The following ADAMTS2 variants were observed in gnomAD, a reference collection of about 807,000 sequenced individuals.
ADAMTS2 encodes the protein A disintegrin and metalloproteinase with thrombospondin motifs 2.
In ADAMTS2, 50 loss-of-function variants were observed where a neutral mutation model predicts 123.0. That is an observed-to-expected ratio of 0.41 (90% CI 0.32 to 0.51). The LOEUF is 0.51. ADAMTS2 is among the 20% of genes least tolerant of loss of function. The pLI, the probability that ADAMTS2 is intolerant of heterozygous loss-of-function variation, is 0.35. For missense variants in ADAMTS2, 1,494 were observed against 1,705.2 expected (o/e 0.88, Z 2.18); for synonymous variants, 678 against 695.4 (o/e 0.98, Z 0.39).
intron 3 of ADAMTS2, among the ~76,000 whole-genome samples, chr5:179,263,855 G>T (rs1183134720): frequency 1.3e-5 from 2 of 152,216 alleles, no homozygotes; most frequent in African/African-American, 2.4e-5. Context: ...CTCCTTCAGG[G>T]CCCAGAGCAC....
chr5:179,189,233 TA>T lies in ADAMTS2; in HGVS notation c.892-8079del, dbSNP rs1265557805. Among the ~76,000 whole-genome samples, 1 of 152,114 alleles carries T rather than the reference TA, an allele frequency of 6.6e-6. No individual in the cohort carries two copies. Among genetic ancestry groups the T allele is most frequent in the Non-Finnish European group, 1.5e-5 (1 of 68,018 alleles). ...CACCAAACAGGCTTTGTGTGAGCAA[TA>T]AAGCTTTTTAATCACCTGGGTGCAG... On this transcript the variant is annotated intron_variant, in intron 4 of 21. Coordinates refer to ENST00000251582, the MANE Select transcript of ADAMTS2 (RefSeq NM_014244.5). This position sits in a 1 kb window ranked among gnomAD's most constrained non-coding sequence, Gnocchi z 4.2.
chr5:179,228,725 G>A lies in ADAMTS2; in HGVS notation c.689-21010C>T, dbSNP rs1026470654. 2.0e-5 allele frequency among the ~76,000 whole-genome samples: 3 copies of A among 152,226 alleles called. No individual in the cohort carries two copies. The highest frequency in any genetic ancestry group is 6.5e-5 in the Admixed American group (1 of 15,288). On this transcript the variant is annotated intron_variant, in intron 3 of 21. Transcript: ENST00000251582. The surrounding 1 kb of genome is among the most constrained non-coding windows in gnomAD (Gnocchi z 5.2). ...TAACCAAAGCCAGCGGACATCCACTGCCTGCGGAGCATCTGGGGAAGGCTC... is the reference window on the plus strand; with the variant it reads ...TAACCAAAGCCAGCGGACATCCACTACCTGCGGAGCATCTGGGGAAGGCTC...
intron 3 of ADAMTS2, among the ~76,000 whole-genome samples, chr5:179,269,563 T>G (rs899193861): frequency 6.6e-6 from 1 of 152,140 alleles, no homozygotes; most frequent in African/African-American, 2.4e-5. Flanking sequence ...ACCCCCATGA[T>G]TCAATCATCT....
chr5:179,126,702 CA>C (rs1762865841), intron 17 of ADAMTS2, among the ~76,000 whole-genome samples: 1 of 152,228 alleles, frequency 6.6e-6, no homozygotes, highest in African/African-American at 2.4e-5. Flanking sequence ...TGACAGAGCC[CA>C]AAATGTCAGT....
chr5:179,139,832 G>A, intron 11 of ADAMTS2, 58 bp downstream of exon 11: 32 of 1,606,726 alleles, frequency 2.0e-5, no homozygotes, highest in Non-Finnish European at 2.7e-5. Context: ...GCTGGAGAGG[G>A]TCTCCTGGAC....
At position 179,188,281 on chromosome 5, in the gene ADAMTS2, C is replaced by T. The variant is rs1358577236; in HGVS notation, c.892-7126G>A. On this transcript the variant is annotated intron_variant, in intron 4 of 21. Coordinates refer to ENST00000251582, the MANE Select transcript of ADAMTS2 (RefSeq NM_014244.5). The surrounding 1 kb of genome is among the most constrained non-coding windows in gnomAD (Gnocchi z 5.1). The stretch of plus-strand genomic sequence containing the variant: ...CAGAGGCCTGGGGGAGGGGGGCCTG[C>T]TGCTCTGTGGCTTCTCTGGGACCCC... 6.6e-6 allele frequency among the ~76,000 whole-genome samples: 1 copy of T among 152,208 alleles called. No individual in the cohort carries two copies. The highest frequency in any genetic ancestry group is 1.5e-5 in the Non-Finnish European group (1 of 68,044).
chr5:179,318,088 G>T (rs1363830441), intron 2 of ADAMTS2, among the ~76,000 whole-genome samples: 2 of 152,120 alleles, frequency 1.3e-5, no homozygotes, highest in Non-Finnish European at 2.9e-5. Flanking sequence ...TAGCAAAGAG[G>T]CCCCCCTTGG....
rs951317851 is a variant in ADAMTS2, at chr5:179,272,638, A to G, written c.688+273T>C. On this transcript the variant is annotated intron_variant, in intron 3 of 21. Coordinates refer to ENST00000251582, the MANE Select transcript of ADAMTS2 (RefSeq NM_014244.5). This position sits in a 1 kb window ranked among gnomAD's most constrained non-coding sequence, Gnocchi z 5.8. ...GAAGATGGGCCCTTGGACAGCCTTC[A>G]TAGTCCACCATGGAGGCCCCAGACA... 2.0e-5 allele frequency among the ~76,000 whole-genome samples: 3 copies of G among 152,150 alleles called. No individual in the cohort carries two copies. The highest frequency in any genetic ancestry group is 2.0e-4 in the Admixed American group (3 of 15,284).
In ADAMTS2 at chr5:179,314,061, C is replaced by CG. The variant is rs72538523; in HGVS notation, c.534+29705dup. ...TCCCAGGCAGAACCTGATGGTGGGG[C>CG]GGGGGGGTTCCTCACACACCCCACA... On this transcript the variant is annotated intron_variant, in intron 2 of 21. Transcript: ENST00000251582. The surrounding 1 kb of genome is among the most constrained non-coding windows in gnomAD (Gnocchi z 4.5). Among the ~76,000 whole-genome samples the CG allele has an allele frequency of 2.9e-5, 4 of 140,086 alleles. No homozygotes were observed. Among genetic ancestry groups the CG allele is most frequent in the Admixed American group, 7.2e-5 (1 of 13,972 alleles). The allele number at this position is 140,086 out of a possible 152,430, so 91.9% of individuals were successfully genotyped here.
intron 2 of ADAMTS2, among the ~76,000 whole-genome samples, chr5:179,330,440 G>A (rs142011891): frequency 6.6e-6 from 1 of 152,326 alleles, no homozygotes; most frequent in Non-Finnish European, 1.5e-5. Flanking sequence ...CCCAATCAGG[G>A]CCACCTGCAA....
chr5:179,320,856 G>A (rs1349566121), intron 2 of ADAMTS2, among the ~76,000 whole-genome samples: 4 of 152,210 alleles, frequency 2.6e-5, no homozygotes, highest in African/African-American at 9.6e-5. Flanking sequence ...CCGGGTTGTT[G>A]CCCTGTGAGG....
At chr5:179,274,541 C>A (rs369754571) in intron 2 of ADAMTS2, among the ~76,000 whole-genome samples, 78 of 152,348 alleles carry the variant, frequency 5.1e-4, no homozygotes, top group African/African-American at 1.8e-3. Flanking sequence ...AAACCACACC[C>A]CCCCCAAAGT....
At chr5:179,257,110 T>C (rs966416138) in intron 3 of ADAMTS2, among the ~76,000 whole-genome samples, 7 of 152,116 alleles carry the variant, frequency 4.6e-5, no homozygotes, top group African/African-American at 1.4e-4. Flanking sequence ...AGGGCCCACA[T>C]TGTGAGTTTC....
chr5:179,263,959 T>C (rs1437115480), intron 3 of ADAMTS2, among the ~76,000 whole-genome samples: 2 of 152,166 alleles, frequency 1.3e-5, no homozygotes, highest in African/African-American at 4.8e-5. Context: ...GGCTGAAGTG[T>C]CTGCCAACCT....
At position 179,262,386 on chromosome 5, in the gene ADAMTS2, T is replaced by A. The variant is rs547494509; in HGVS notation, c.688+10525A>T. Among the ~76,000 whole-genome samples the A allele has an allele frequency of 2.0e-4, 30 of 150,626 alleles. No individual in the cohort carries two copies. Among genetic ancestry groups the A allele is most frequent in the African/African-American group, 7.3e-4 (30 of 40,910 alleles). On this transcript the variant is annotated intron_variant, in intron 3 of 21. Transcript: ENST00000251582. The surrounding 1 kb of genome is among the most constrained non-coding windows in gnomAD (Gnocchi z 5.9). ...CTCCACCGCCATCTGTCACCGGGAC[T>A]CCTCCCTGCTTCCACACCGTCCACC... is the stretch of plus-strand genomic sequence containing the variant.
chr5:179,218,029 A>G (rs1162395114), intron 3 of ADAMTS2, among the ~76,000 whole-genome samples: 4 of 152,222 alleles, frequency 2.6e-5, no homozygotes, highest in African/African-American at 7.2e-5. Flanking sequence ...AGGAGTCCCC[A>G]AAACGTAAGT....
chr5:179,223,527 C>CATGCACTCACGCACGA (rs1765190753), intron 3 of ADAMTS2, among the ~76,000 whole-genome samples: 1 of 146,962 alleles, frequency 6.8e-6, no homozygotes, highest in African/African-American at 2.6e-5. Context: ...CACTCACACA[C>CATGCACTCACGCACGA]ATGCACTCAC....
At position 179,153,646 on chromosome 5, in the gene ADAMTS2, C is replaced by T. The variant is rs927515122; in HGVS notation, c.1383-23G>A. The T allele has an allele frequency of 8.8e-6, 14 of 1,595,044 alleles. No individual in the cohort carries two copies. In the African/African-American group the frequency reaches 9.3e-5, roughly 11 times the overall value. ...GAGCTGTGGGGGACACACGGTGCCG[C>T]GAGCAGCCTTCAGCGCGGCTGACCA... On this transcript the variant is annotated intron_variant, in intron 8 of 21. Coordinates refer to ENST00000251582, the MANE Select transcript of ADAMTS2 (RefSeq NM_014244.5).
chr5:179,333,043 G>A (rs1351698636), intron 2 of ADAMTS2, among the ~76,000 whole-genome samples: 1 of 152,182 alleles, frequency 6.6e-6, no homozygotes, highest in Non-Finnish European at 1.5e-5. Context: ...ATAGCCATGC[G>A]ACGGCGGCTG....
Sources: gnomAD v4.1 joint callset for allele counts (sites outside exome capture counted in the v4.1 genomes callset) on GRCh38, gnomAD v4.1.1 for gene constraint, Gnocchi (gnomAD v3.1) non-coding constraint, MANE v1.5 for transcripts, NCBI Gene and HGNC (gene_info 2026-07-23, HGNC 2026-07-21) for gene names.